Variants in COL12A1 observed in about 807,000 individuals in gnomAD.
The protein encoded by COL12A1 is collagen alpha-1(XII) chain.
COL12A1 carries 114 observed loss-of-function variants against 349.7 expected under a neutral mutation model. That is an observed-to-expected ratio of 0.33 (90% CI 0.28 to 0.38). The LOEUF (loss-of-function observed/expected upper bound fraction) is 0.38, where lower values mean the gene tolerates loss of function less well. COL12A1 is among the 10% of genes least tolerant of loss of function. The pLI, the probability that COL12A1 is intolerant of heterozygous loss-of-function variation, is 1.00. For missense variants in COL12A1, 3,284 were observed against 3,756.9 expected, an observed-to-expected ratio of 0.87 and a Z score of 3.29; for synonymous variants, 1,369 against 1,329.0, an observed-to-expected ratio of 1.03 and a Z score of -0.66.
rs962232989 is a variant in COL12A1, at chr6:75,130,011, CATACCTCTAAAGA to C, written c.6210+67_6210+79del. On this transcript the variant is annotated intron_variant, in intron 37 of 65. Coordinates refer to ENST00000322507, the MANE Select transcript of COL12A1 (RefSeq NM_004370.6). ...ATCAAGGACTCAACCGTACTCACAG[CATACCTCTAAAGA>C]AGTTTAACTTCACTGTCCATTCAGC... 58 of 1,513,264 alleles carry C rather than the reference CATACCTCTAAAGA, an allele frequency of 3.8e-5. No homozygotes were observed. The African/African-American group carries it at 6.4e-4, about 17-fold the overall frequency. 93.7% of individuals were successfully genotyped at this position (1,513,264 alleles called of 1,614,324 possible).
At position 75,085,327 on chromosome 6, in the gene COL12A1, G is replaced by A. The variant is rs1304268672; in HGVS notation, c.*1220C>T. The A allele has an allele frequency of 6.4e-6, 3 of 471,076 alleles. No homozygotes were observed. Among genetic ancestry groups the A allele is most frequent in the South Asian group, 4.6e-5 (3 of 64,562 alleles). The allele number at this position is 471,076 out of a possible 1,614,324, so 29.2% of individuals were successfully genotyped here. On this transcript the variant is annotated 3_prime_UTR_variant, in exon 66 of 66. Transcript: ENST00000322507. ...TCCACCGGCACGATGAAGGGCTCGC[G>A]CTCAGGCAGGTAGGCCCCGCCCTCG...
intron 31 of COL12A1, 52 bp downstream of exon 31, chr6:75,137,385 T>G: frequency 1.3e-6 from 2 of 1,485,956 alleles, no homozygotes; most frequent in South Asian, 2.6e-5. Flanking sequence ...AAAAAGAGTT[T>G]GAAGAGAAAT....
At chr6:75,106,596 C>T in intron 52 of COL12A1, 100 bp from the exon 53 acceptor site, 1 of 991,710 alleles carries the variant, frequency 1.0e-6, no homozygotes. Context: ...CACATACTCT[C>T]TCAAGGGTGT....
intron 3 of COL12A1, among the ~76,000 whole-genome samples, chr6:75,192,703 A>C (rs893085717): frequency 6.6e-6 from 1 of 152,174 alleles, no homozygotes; most frequent in African/African-American, 2.4e-5. Context: ...GATAAAGCAG[A>C]GAAAATGAAT....
intron 57 of COL12A1, 23 bp from the exon 58 acceptor site, chr6:75,101,676 G>C (rs770741070): frequency 6.2e-7 from 1 of 1,609,130 alleles, no homozygotes; most frequent in East Asian, 2.2e-5. Context: ...AAACAAACAA[G>C]TGAAACATTA....
intron 15 of COL12A1, 131 bp from the exon 16 acceptor site, chr6:75,155,985 A>C: frequency 2.0e-6 from 2 of 1,000,052 alleles, no homozygotes; most frequent in Non-Finnish European, 2.9e-6. Flanking sequence ...AGCATGTTCC[A>C]TAGAAGTCCA....
chr6:75,174,538 A>G (rs1375045805), intron 13 of COL12A1, among the ~76,000 whole-genome samples: 1 of 152,192 alleles, frequency 6.6e-6, no homozygotes, highest in African/African-American at 2.4e-5. Flanking sequence ...CCTGGGCGAA[A>G]GAGCGAGACT....
rs762216341 is a variant in COL12A1, at chr6:75,177,868, A to G, written c.2232T>C (p.Thr744=). The G allele has an allele frequency of 6.2e-7, 1 of 1,613,868 alleles. No homozygotes were observed. The highest frequency in any genetic ancestry group is 1.1e-5 in the South Asian group (1 of 91,084). ...ETTDSFKITW[T]QAPGRVLRYR... The stretch of plus-strand genomic sequence containing the variant: ...ATCTTAAAACTCTCCCTGGAGCTTG[A>G]GTCCAAGTAATTTTGAAACTATCTG... Residue 744 remains threonine, a synonymous_variant, in exon 12 of 66, where the codon ACT becomes ACC. Transcript: ENST00000322507.
Position 75,119,399 on chromosome 6 carries a change from G to A in COL12A1, c.7161C>T (p.Ala2387=). 2 of 1,613,962 alleles carry A rather than the reference G, an allele frequency of 1.2e-6. No individual in the cohort carries two copies. Among genetic ancestry groups the A allele is most frequent in the South Asian group, 1.1e-5 (1 of 91,076 alleles). The change falls in exon 45 of 66, where the codon GCC becomes GCT. Residue 2387 remains alanine, a synonymous_variant. Transcript: ENST00000322507. ...ACCTAATATTCTGGAGGGCCCCAAG[G>A]GCTAGGGCCTTGTCATTGTACGTGT... ...KLNTYNDKAL[A]LGALQNIRYR... is the part of the protein sequence containing the mutation.
At chr6:75,123,890 C>A in intron 42 of COL12A1, 58 bp downstream of exon 42, 1 of 1,541,044 alleles carries the variant, frequency 6.5e-7, no homozygotes, top group Non-Finnish European at 8.8e-7. Context: ...GTCTTCCTTA[C>A]CTAGAGCATT....
At chr6:75,147,652 AAC>A in intron 23 of COL12A1, 21 bp downstream of exon 23, 3 of 1,576,024 alleles carry the variant, frequency 1.9e-6, no homozygotes, top group Non-Finnish European at 2.6e-6. Context: ...AGCAATGAGA[AAC>A]AATTTTTTAA....
chr6:75,095,149 G>C lies in COL12A1; in HGVS notation c.8608C>G (p.Pro2870Ala), dbSNP rs759563506. 3 of 1,613,904 alleles carry C rather than the reference G, an allele frequency of 1.9e-6. No homozygotes were observed. The African/African-American group carries it at 4.0e-5, about 22-fold the overall frequency. The change falls in exon 60 of 66, where the codon CCA (proline) becomes GCA (alanine). Residue 2870 changes from proline to alanine, a missense_variant. Around this residue, in one of 2 missense-constraint regions of COL12A1, gnomAD observed 683 missense variants for 932.1 expected, o/e 0.73. Transcript: ENST00000322507. ...CCAGGTTTTCCTGGCTTCCCACTTG[G>C]TCCTGTGACTCCTGGGGAGCCTGGG... Reference protein sequence around the residue: ...GSPGSPGVTGPSGKPGKPGDH... With the variant: ...GSPGSPGVTGASGKPGKPGDH...
intron 17 of COL12A1, among the ~76,000 whole-genome samples, chr6:75,153,600 C>T (rs903173832): frequency 7.2e-5 from 11 of 152,060 alleles, no homozygotes; most frequent in African/African-American, 2.4e-4. Context: ...ATGTGTCACT[C>T]ATATATTATA....
In COL12A1 at chr6:75,116,053, A is replaced by G. The variant is rs755597191; in HGVS notation, c.7524T>C (p.Cys2508=). ...TFVCETATSS[C]PLIYLDGYTS... The stretch of plus-strand genomic sequence containing the variant: ...TGTAGCCATCCAAATAAATGAGAGG[A>G]CAACCTGCAATGTACAGTGTTCTTT... Residue 2508 remains cysteine (C), a synonymous_variant, in exon 48 of 66, where the codon TGT becomes TGC. Transcript: ENST00000322507. 2.6e-5 allele frequency: 42 copies of G among 1,613,200 alleles called. No homozygotes were observed. Among genetic ancestry groups the G allele is most frequent in the Non-Finnish European group, 3.6e-5 (42 of 1,179,518 alleles).
Position 75,126,604 on chromosome 6 carries a change from C to G in COL12A1, c.6341-134G>C. 3.8e-6 allele frequency: 4 copies of G among 1,042,016 alleles called. No individual in the cohort carries two copies. The South Asian group carries it at 7.7e-5, about 20-fold the overall frequency. The allele number at this position is 1,042,016 out of a possible 1,614,324, so 64.5% of individuals were successfully genotyped here. A position where few individuals can be genotyped will look rare whatever the true frequency, so the allele number is the denominator to read the frequency against. ...TCCCATAATGTCTTTATCCAGAAAACAATTAAAAGGCATTGAAGTATTCAA... is the reference window on the plus strand; with the variant it reads ...TCCCATAATGTCTTTATCCAGAAAAGAATTAAAAGGCATTGAAGTATTCAA... On this transcript the variant is annotated intron_variant, in intron 38 of 65. Coordinates refer to ENST00000322507, the MANE Select transcript of COL12A1 (RefSeq NM_004370.6).
intron 17 of COL12A1, among the ~76,000 whole-genome samples, chr6:75,153,187 T>C (rs1454748525): frequency 6.6e-6 from 1 of 152,116 alleles, no homozygotes; most frequent in Non-Finnish European, 1.5e-5. Context: ...ATATAGATGG[T>C]GAAGTTTGCA....
At position 75,103,668 on chromosome 6, in the gene COL12A1, T is replaced by C. The variant is rs2149345461; in HGVS notation, c.8319+89A>G. ...GCACACTGAACCTGAGCTGACTTGC[T>C]CAAGATCACATACCCCCTTTGTGAA... On this transcript the variant is annotated intron_variant, in intron 55 of 65. Transcript: ENST00000322507. The C allele has an allele frequency of 4.6e-6, 5 of 1,096,460 alleles. No individual in the cohort carries two copies. The East Asian group carries it at 1.2e-4, about 27-fold the overall frequency. The allele number at this position is 1,096,460 out of a possible 1,614,324, so 67.9% of individuals were successfully genotyped here.
In COL12A1 at chr6:75,090,317, C is replaced by T. The variant is rs185465645; in HGVS notation, c.8753-19G>A. Reference sequence around the variant, plus strand: ...ATCTGACCTACAAGCAGAAATAAGGCTTGTTAGTAAGAAACCCAATAAAGG... The same window carrying T: ...ATCTGACCTACAAGCAGAAATAAGGTTTGTTAGTAAGAAACCCAATAAAGG... On this transcript the variant is annotated intron_variant, in intron 62 of 65. Coordinates refer to ENST00000322507, the MANE Select transcript of COL12A1 (RefSeq NM_004370.6). This position sits in a 1 kb window ranked among gnomAD's most constrained non-coding sequence, Gnocchi z 4.1. 246 of 1,587,218 alleles carry T rather than the reference C, an allele frequency of 1.5e-4. 1 individual carries two copies. In the African/African-American group the frequency reaches 3.0e-3, roughly 19 times the overall value.
At chr6:75,178,396 T>C (rs985687098) in intron 11 of COL12A1, among the ~76,000 whole-genome samples, 3 of 152,204 alleles carry the variant, frequency 2.0e-5, no homozygotes, top group African/African-American at 7.2e-5. Context: ...TCTTATCCAG[T>C]CCGTCCCACA....
Sources: allele counts gnomAD v4.1 joint callset (sites outside exome capture counted in the v4.1 genomes callset), GRCh38; gene constraint gnomAD v4.1.1; regional missense constraint gnomAD v4.1.1; non-coding constraint Gnocchi (gnomAD v3.1); transcripts MANE v1.5; gene names NCBI Gene and HGNC (gene_info 2026-07-23, HGNC 2026-07-21).